PTPN3: variants seen among roughly 807,000 people sequenced by gnomAD.
PTPN3 encodes the protein protein tyrosine phosphatase non-receptor type 3, also known as tyrosine-protein phosphatase non-receptor type 3.
In PTPN3, 96 loss-of-function variants were observed where a neutral mutation model predicts 132.7. The ratio of observed to expected loss-of-function variants is 0.72; its 90% CI spans 0.61 to 0.86. The LOEUF is 0.86. Ranked by LOEUF, PTPN3 falls within the 40% of genes least tolerant of loss-of-function variation. The pLI is 0.00. For missense variants in PTPN3, 1,125 were observed against 1,159.6 expected (o/e 0.97, Z 0.43); for synonymous variants, 398 against 429.0 (o/e 0.93, Z 0.89).
At chr9:109,417,892 A>C in intron 14 of PTPN3, 293 of 667,712 alleles carry the variant, frequency 4.4e-4, no homozygotes, top group Non-Finnish European at 4.9e-4. Context: ...ACAAGGTCTC[A>C]AGGAGGGGTT....
At chr9:109,470,319 A>G (rs1267005372) in intron 1 of PTPN3, among the ~76,000 whole-genome samples, 2 of 152,274 alleles carry the variant, frequency 1.3e-5, no homozygotes, top group African/African-American at 4.8e-5. Flanking sequence ...TGTGGGGCCA[A>G]CCATGGCCCC....
At chr9:109,507,251 C>T in the PTPN3 span, among the ~76,000 whole-genome samples, 1 of 152,214 alleles carries the variant, frequency 6.6e-6, no homozygotes. Flanking sequence ...AATGATGCCT[C>T]CCTGATACAG....
chr9:109,418,515 C>T (rs1286326347), intron 14 of PTPN3, among the ~76,000 whole-genome samples: 3 of 152,216 alleles, frequency 2.0e-5, no homozygotes, highest in Non-Finnish European at 2.9e-5. Context: ...AAACCTACTC[C>T]CACATGAATT....
Position 109,410,368 on chromosome 9 carries a change from G to T in PTPN3, c.1361C>A (p.Ser454Ter). 1 of 1,614,170 alleles carries T rather than the reference G, an allele frequency of 6.2e-7. No individual in the cohort carries two copies. The highest frequency in any genetic ancestry group is 1.1e-5 in the South Asian group (1 of 91,042). Residue 454 changes from serine to a stop codon, truncating the protein, a stop_gained, in exon 15 of 26, where the codon TCA (serine) becomes TAA (stop). Coordinates refer to ENST00000374541, the MANE Select transcript of PTPN3 (RefSeq NM_002829.4). LOFTEE classifies it high-confidence loss of function. The stretch of plus-strand genomic sequence containing the variant: ...TGAAGATGGAGACACAGAACTGGAT[G>T]ACTTCTGGGTCAGGTAGCTTTGTGC... ...NPAQSYLTQK[S>*]SSSVSPSSNA...
At chr9:109,508,172 T>C in the PTPN3 span, among the ~76,000 whole-genome samples, 4 of 151,826 alleles carry the variant, frequency 2.6e-5, no homozygotes, top group Non-Finnish European at 5.9e-5. Flanking sequence ...CTCTTTTTTT[T>C]TTTTTTGAGA....
At chr9:109,441,193 T>C (rs1245305655) in intron 7 of PTPN3, among the ~76,000 whole-genome samples, 1 of 152,208 alleles carries the variant, frequency 6.6e-6, no homozygotes, top group Non-Finnish European at 1.5e-5. Flanking sequence ...AAGCAACACA[T>C]GCAAAAGCTA....
intron 1 of PTPN3, among the ~76,000 whole-genome samples, chr9:109,465,704 CTCAAA>C (rs1341868800): frequency 1.1e-4 from 2 of 18,582 alleles, no homozygotes; most frequent in Non-Finnish European, 2.0e-4. Flanking sequence ...AAAACTCTGT[CTCAAA>C]AAAAAAAAAA....
intron 4 of PTPN3, among the ~76,000 whole-genome samples, chr9:109,454,985 C>T (rs1254970381): frequency 1.3e-5 from 2 of 152,206 alleles, no homozygotes; most frequent in East Asian, 1.9e-4. Context: ...ATTTCAACAC[C>T]ACCATGACTA....
chr9:109,384,489 G>A (rs1839395104), intron 22 of PTPN3, among the ~76,000 whole-genome samples: 1 of 152,172 alleles, frequency 6.6e-6, no homozygotes, highest in African/African-American at 2.4e-5. Flanking sequence ...CTCTCAATAT[G>A]GCTGTGCTGT....
At chr9:109,469,557 T>C (rs1053963083) in intron 1 of PTPN3, among the ~76,000 whole-genome samples, 2 of 152,200 alleles carry the variant, frequency 1.3e-5, no homozygotes, top group Non-Finnish European at 2.9e-5. Context: ...AAGCAGAGAT[T>C]GCAATGAGCC....
intron 1 of PTPN3, among the ~76,000 whole-genome samples, chr9:109,463,784 T>C (rs181685115): frequency 3.2e-4 from 48 of 152,306 alleles, no homozygotes; most frequent in African/African-American, 1.1e-3. Context: ...CTCTAAGGTT[T>C]TACAGAACTA....
In PTPN3 at chr9:109,389,338, G is replaced by A; in HGVS notation, c.2148C>T (p.Ala716=). The change falls in exon 22 of 26, where the codon GCC becomes GCT. Residue 716 remains alanine, a synonymous_variant. Transcript: ENST00000374541. ...AGGTATGCGGCAGGGGCCCCTGAGT[G>A]GCGATGTACTTGTTCACAAGGTTAG... ...PAANLVNKYI[A]TQGPLPHTCA... The A allele has an allele frequency of 6.2e-7, 1 of 1,614,062 alleles. No individual in the cohort carries two copies. Among genetic ancestry groups the A allele is most frequent in the Non-Finnish European group, 8.5e-7 (1 of 1,179,962 alleles).
At chr9:109,423,134 T>A (rs527830092) in intron 12 of PTPN3, among the ~76,000 whole-genome samples, 6 of 152,348 alleles carry the variant, frequency 3.9e-5, no homozygotes, top group African/African-American at 1.4e-4. Context: ...TAGAAGGAAT[T>A]CCAGGATCAC....
chr9:109,459,791 C>T (rs1201194553), intron 2 of PTPN3, among the ~76,000 whole-genome samples: 2 of 152,162 alleles, frequency 1.3e-5, no homozygotes, highest in African/African-American at 2.4e-5. Context: ...GATCACTCTT[C>T]CTCCTGCTGG....
chr9:109,387,073 T>G (rs542727157), intron 22 of PTPN3, among the ~76,000 whole-genome samples: 23 of 152,236 alleles, frequency 1.5e-4, no homozygotes, highest in African/African-American at 5.3e-4. Flanking sequence ...ACTGGGCAGA[T>G]GGGTGCCACT....
chr9:109,383,351 G>T, intron 23 of PTPN3, 72 bp downstream of exon 23: 1 of 1,612,224 alleles, frequency 6.2e-7, no homozygotes, highest in South Asian at 1.1e-5. Flanking sequence ...CTAGAAGCGT[G>T]ACCACCTGGG....
In PTPN3 at chr9:109,406,086, G is replaced by A. The variant is rs115658189; in HGVS notation, c.1792+376C>T. On this transcript the variant is annotated intron_variant, in intron 18 of 25. Coordinates refer to ENST00000374541, the MANE Select transcript of PTPN3 (RefSeq NM_002829.4). ...CTCCCCGACAAAATCAAACACGCAC[G>A]AATAAAATATCACCAGATCCTTTAA... 5.8e-3 allele frequency among the ~76,000 whole-genome samples: 887 copies of A among 152,282 alleles called. 11 individuals carry two copies. Among genetic ancestry groups the A allele is most frequent in the African/African-American group, 0.021 (862 of 41,548 alleles).
intron 1 of PTPN3, among the ~76,000 whole-genome samples, chr9:109,479,379 A>G (rs562575901): frequency 6.6e-6 from 1 of 152,338 alleles, no homozygotes; most frequent in South Asian, 2.1e-4. Context: ...TTATGACTGA[A>G]TGATATTCCA....
intron 8 of PTPN3, 129 bp from the exon 9 acceptor site, chr9:109,437,099 A>G: frequency 7.0e-7 from 1 of 1,429,134 alleles, no homozygotes; most frequent in Non-Finnish European, 9.3e-7. Context: ...ATCAATCTTC[A>G]GCAATCTAAT....
Sources: gnomAD v4.1 joint callset for allele counts (sites outside exome capture counted in the v4.1 genomes callset) on GRCh38, gnomAD v4.1.1 for gene constraint, MANE v1.5 for transcripts, NCBI Gene and HGNC (gene_info 2026-07-23, HGNC 2026-07-21) for gene names.